ASTN2: variants seen among roughly 807,000 people sequenced by gnomAD.
ASTN2 encodes the protein astrotactin-2.
A neutral mutation model predicts 139.8 loss-of-function variants in ASTN2; 54 were observed. The observed-to-expected ratio is 0.39, with a 90% CI of 0.31 to 0.48. ASTN2 has a LOEUF of 0.48. Ranked by LOEUF, ASTN2 falls within the 20% of genes least tolerant of loss-of-function variation. The pLI, the probability that ASTN2 is intolerant of heterozygous loss-of-function variation, is 0.95. For missense variants in ASTN2, 1,565 were observed against 1,725.1 expected, an observed-to-expected ratio of 0.91 and a Z score of 1.64; for synonymous variants, 756 against 719.5, an observed-to-expected ratio of 1.05 and a Z score of -0.81.
chr9:117,235,153 G>C (rs1833008618), intron 2 of ASTN2, among the ~76,000 whole-genome samples: 1 of 151,676 alleles, frequency 6.6e-6, no homozygotes, highest in Non-Finnish European at 1.5e-5. Context: ...AGAATTGCTG[G>C]AACCCAGGAG....
chr9:116,568,154 C>T (rs1190761620), intron 19 of ASTN2, among the ~76,000 whole-genome samples: 1 of 152,126 alleles, frequency 6.6e-6, no homozygotes, highest in Non-Finnish European at 1.5e-5. Context: ...GGGATATACT[C>T]TCATTTCTCC....
At chr9:116,518,190 C>T (rs1467609846) in intron 19 of ASTN2, among the ~76,000 whole-genome samples, 1 of 152,132 alleles carries the variant, frequency 6.6e-6, no homozygotes, top group Non-Finnish European at 1.5e-5. Context: ...AAGATCATCG[C>T]CTAGGCACAC....
In ASTN2 at chr9:117,003,936, T is replaced by A. The variant is rs546451324; in HGVS notation, c.1591+4156A>T. 3.1e-4 allele frequency among the ~76,000 whole-genome samples: 43 copies of A among 140,738 alleles called. No homozygotes were observed. The South Asian group carries it at 3.7e-3, about 12-fold the overall frequency. 92.3% of individuals were successfully genotyped at this position (140,738 alleles called of 152,430 possible). On this transcript the variant is annotated intron_variant, in intron 7 of 22. Coordinates refer to ENST00000313400, the MANE Select transcript of ASTN2 (RefSeq NM_001365068.1). ...AAGAATATCCTAGAATTTGTGTTTC[T>A]TTCACGCGCGCGCGCGCGTGTGTGT...
At chr9:117,060,913 A>AG (rs751711346) in intron 5 of ASTN2, among the ~76,000 whole-genome samples, 3 of 152,106 alleles carry the variant, frequency 2.0e-5, no homozygotes, top group Non-Finnish European at 2.9e-5. Context: ...GGAAAAGAAA[A>AG]GAAAAAAAAG....
At chr9:116,434,456 A>G (rs936443342) in intron 22 of ASTN2, among the ~76,000 whole-genome samples, 1 of 152,092 alleles carries the variant, frequency 6.6e-6, no homozygotes, top group African/African-American at 2.4e-5. Flanking sequence ...TGGATGTGTA[A>G]CTCTTTTCAA....
intron 19 of ASTN2, chr9:116,545,675 A>T (rs1446263058): frequency 6.6e-6 from 1 of 152,232 alleles, no homozygotes; most frequent in African/African-American, 2.4e-5. Flanking sequence ...ACCAATTTTT[A>T]GCAGAAAAAA....
At chr9:116,440,100 G>A (rs996208958) in intron 22 of ASTN2, among the ~76,000 whole-genome samples, 5 of 152,206 alleles carry the variant, frequency 3.3e-5, no homozygotes, top group Admixed American at 6.5e-5. Context: ...TCCTGGCATA[G>A]TGACTGGCAT....
intron 6 of ASTN2, among the ~76,000 whole-genome samples, chr9:117,022,985 C>T (rs1419940142): frequency 6.6e-6 from 1 of 150,912 alleles, no homozygotes; most frequent in East Asian, 2.0e-4. Context: ...ACAAATCAAA[C>T]AAACATACGA....
Position 116,618,390 on chromosome 9 carries a change from T to C in ASTN2, c.3289A>G (p.Lys1097Glu). The change falls in exon 19 of 23, where the codon AAG (lysine) becomes GAG (glutamate). Residue 1097 changes from lysine to glutamate, a missense_variant. Lys to Glu is a moderately conservative substitution (Grantham distance 56). Around this residue, in one of 4 missense-constraint regions of ASTN2, gnomAD observed 418 missense variants for 465.8 expected, o/e 0.90. Coordinates refer to ENST00000313400, the MANE Select transcript of ASTN2 (RefSeq NM_001365068.1). Reference sequence around the variant, plus strand: ...TGCTGCAGAATATAGTCGGAGACCTTGGTCCCAATAGCTGGCTGAACATCC... The same window carrying C: ...TGCTGCAGAATATAGTCGGAGACCTCGGTCCCAATAGCTGGCTGAACATCC... The part of the protein sequence containing the change: ...WVDVQPAIGT[K>E]VSDYILQHKK... 1 of 1,614,170 alleles carries C rather than the reference T, an allele frequency of 6.2e-7. No individual in the cohort carries two copies. Among genetic ancestry groups the C allele is most frequent in the Non-Finnish European group, 8.5e-7 (1 of 1,180,004 alleles).
chr9:116,744,368 A>T (rs1041823757), intron 13 of ASTN2, among the ~76,000 whole-genome samples: 39 of 152,090 alleles, frequency 2.6e-4, no homozygotes, highest in African/African-American at 8.9e-4. Context: ...TTCTAAGGGT[A>T]AGGAGACCCA....
intron 20 of ASTN2, among the ~76,000 whole-genome samples, chr9:116,482,284 C>G (rs1039026473): frequency 3.9e-5 from 6 of 152,060 alleles, no homozygotes; most frequent in Non-Finnish European, 7.4e-5. Context: ...CAAGATTGCG[C>G]CCCTGCACTC....
intron 1 of ASTN2, among the ~76,000 whole-genome samples, chr9:117,308,598 C>T (rs1198459522): frequency 6.6e-6 from 1 of 152,142 alleles, no homozygotes; most frequent in Non-Finnish European, 1.5e-5. Flanking sequence ...GCCAAGTGCA[C>T]TGCAGAGTCA....
rs952010543 is a variant in ASTN2, at chr9:116,951,044, T to G, written c.1889+24164A>C. On this transcript the variant is annotated intron_variant, in intron 10 of 22. Transcript: ENST00000313400. ...GGAACTGAGATAAGACAGAAAGAGA[T>G]AGAGAGAACTAGGCCATATGTGATG... is the stretch of plus-strand genomic sequence containing the variant. Among the ~76,000 whole-genome samples the G allele has an allele frequency of 4.0e-4, 61 of 152,136 alleles. 1 individual carries two copies. Among genetic ancestry groups the G allele is most frequent in the Non-Finnish European group, 2.9e-5 (2 of 67,988 alleles).
chr9:117,194,500 T>C (rs1320107485), intron 3 of ASTN2, among the ~76,000 whole-genome samples: 1 of 152,236 alleles, frequency 6.6e-6, no homozygotes, highest in Non-Finnish European at 1.5e-5. Context: ...TGTATTATTT[T>C]GCAAAACTTA....
chr9:116,509,883 T>A (rs542944900), intron 19 of ASTN2, among the ~76,000 whole-genome samples: 1 of 152,258 alleles, frequency 6.6e-6, no homozygotes, highest in South Asian at 2.1e-4. Flanking sequence ...TTTGTTTGAG[T>A]TCGTTGTAGA....
At chr9:116,633,086 T>C (rs1329818508) in intron 17 of ASTN2, among the ~76,000 whole-genome samples, 2 of 152,252 alleles carry the variant, frequency 1.3e-5, no homozygotes, top group East Asian at 3.8e-4. Flanking sequence ...TGTGCTTACA[T>C]TGTTCTAAAC....
intron 10 of ASTN2, among the ~76,000 whole-genome samples, chr9:116,927,965 C>T (rs1018802685): frequency 1.3e-5 from 2 of 152,158 alleles, no homozygotes; most frequent in African/African-American, 4.8e-5. Context: ...CTCCGTATAC[C>T]CTTTCATGTG....
At position 116,830,274 on chromosome 9, in the gene ASTN2, A is replaced by G. The variant is rs142097707; in HGVS notation, c.2041-9491T>C. Among the ~76,000 whole-genome samples the G allele has an allele frequency of 7.7e-3, 1,171 of 152,290 alleles. 3 individuals carry two copies. Among genetic ancestry groups the G allele is most frequent in the South Asian group, 0.014 (70 of 4,830 alleles). ...CAGCAGAGAGATGCAAATCAAAACC[A>G]CAGTGAGATACCATCTCACACCAGT... On this transcript the variant is annotated intron_variant, in intron 11 of 22. Coordinates refer to ENST00000313400, the MANE Select transcript of ASTN2 (RefSeq NM_001365068.1).
chr9:117,025,894 T>C (rs577896402), intron 6 of ASTN2, among the ~76,000 whole-genome samples: 69 of 151,420 alleles, frequency 4.6e-4, no homozygotes, highest in South Asian at 1.9e-3. Context: ...CAGGTTCAAG[T>C]GATTCTCCTG....
Sources: allele counts gnomAD v4.1 joint callset (sites outside exome capture counted in the v4.1 genomes callset), GRCh38; gene constraint gnomAD v4.1.1; regional missense constraint gnomAD v4.1.1; transcripts MANE v1.5; gene names NCBI Gene and HGNC (gene_info 2026-07-23, HGNC 2026-07-21).